Variants in SH3BP4 observed in about 807,000 individuals in gnomAD.
SH3BP4 encodes the protein SH3 domain binding protein 4, also known as SH3 domain-binding protein 4.
A neutral mutation model predicts 65.5 loss-of-function variants in SH3BP4; 33 were observed. The observed-to-expected ratio is 0.50, with a 90% CI of 0.38 to 0.67. The LOEUF (loss-of-function observed/expected upper bound fraction) is 0.67, where lower values mean the gene tolerates loss of function less well. Among genes scored for constraint, SH3BP4 ranks in the 30% least tolerant of loss-of-function variants. The pLI is 0.00. For missense variants in SH3BP4, 1,134 were observed against 1,261.4 expected, an observed-to-expected ratio of 0.90 and a Z score of 1.53; for synonymous variants, 552 against 545.5, an observed-to-expected ratio of 1.01 and a Z score of -0.17.
At chr2:234,999,303 G>C (rs1694025959) in intron 2 of SH3BP4, among the ~76,000 whole-genome samples, 1 of 152,188 alleles carries the variant, frequency 6.6e-6, no homozygotes, top group South Asian at 2.1e-4. Context: ...CATACTTGAG[G>C]CTTTGGGGAC....
intron 2 of SH3BP4, among the ~76,000 whole-genome samples, chr2:235,032,740 C>T (rs556431411): frequency 1.3e-5 from 2 of 152,248 alleles, no homozygotes; most frequent in Non-Finnish European, 2.9e-5. Flanking sequence ...TGAGCCTCAG[C>T]GTGCCAGACC....
chr2:234,953,577 T>TA (rs1177634154), intron 1 of SH3BP4, among the ~76,000 whole-genome samples: 1 of 152,154 alleles, frequency 6.6e-6, no homozygotes, highest in African/African-American at 2.4e-5. Context: ...CCTTGCCTTG[T>TA]AAAAATGAAG....
Position 234,974,242 on chromosome 2 carries a change from G to A in SH3BP4, c.-206-21061G>A, listed in dbSNP as rs1693099283. Among the ~76,000 whole-genome samples the A allele has an allele frequency of 6.6e-6, 1 of 152,092 alleles. No homozygotes were observed. Among genetic ancestry groups the A allele is most frequent in the Non-Finnish European group, 1.5e-5 (1 of 68,018 alleles). On this transcript the variant is annotated intron_variant, in intron 1 of 5. Transcript: ENST00000392011. This position sits in a 1 kb window ranked among gnomAD's most constrained non-coding sequence, Gnocchi z 4.6. ...TAGCCGGGCATGGTGGCGCACACCT[G>A]TAATCCCAACTACTCAGGAGGCTGA...
intron 1 of SH3BP4, among the ~76,000 whole-genome samples, chr2:234,987,494 G>A (rs1166507304): frequency 1.3e-5 from 2 of 152,186 alleles, no homozygotes; most frequent in African/African-American, 2.4e-5. Context: ...CGTGGAGCTG[G>A]TGTGAGAAAC....
chr2:234,986,194 C>T (rs1042860119), intron 1 of SH3BP4, among the ~76,000 whole-genome samples: 3 of 151,788 alleles, frequency 2.0e-5, no homozygotes, highest in Non-Finnish European at 4.4e-5. Context: ...CTCTCTTATT[C>T]ATGAGGAGGC....
At chr2:235,012,987 T>C (rs983462696) in intron 2 of SH3BP4, among the ~76,000 whole-genome samples, 1 of 152,218 alleles carries the variant, frequency 6.6e-6, no homozygotes, top group South Asian at 2.1e-4. Flanking sequence ...GCACGCTCCC[T>C]AAATGCAGAT....
At chr2:235,000,308 C>T (rs966539882) in intron 2 of SH3BP4, among the ~76,000 whole-genome samples, 19 of 152,308 alleles carry the variant, frequency 1.2e-4, no homozygotes, top group South Asian at 2.1e-4. Context: ...GGAGGGCCCC[C>T]GAGCCTGGGC....
chr2:234,959,394 G>A (rs1692656191), intron 1 of SH3BP4, among the ~76,000 whole-genome samples: 1 of 150,304 alleles, frequency 6.7e-6, no homozygotes, highest in Admixed American at 6.6e-5. Context: ...GAGAGAGCCT[G>A]GACAAGGTGA....
rs1028458045 is a variant in SH3BP4 at position 235,034,734 on chromosome 2, T to TGG, written c.-132-135_-132-134dup. 7 of 430,610 alleles carry TGG rather than the reference T, an allele frequency of 1.6e-5. No homozygotes were observed. Among genetic ancestry groups the TGG allele is most frequent in the Non-Finnish European group, 3.0e-5 (7 of 234,402 alleles). The allele number at this position is 430,610 out of a possible 1,614,324, so 26.7% of individuals were successfully genotyped here. On this transcript the variant is annotated intron_variant, in intron 2 of 5. Transcript: ENST00000392011. The surrounding 1 kb of genome is among the most constrained non-coding windows in gnomAD (Gnocchi z 6.2). ...AGGAGCAAGCGCTGCTCTGCTCTGT[T>TGG]GGGCCAGGAAAGATGAAATGGGTCT...
intron 2 of SH3BP4, among the ~76,000 whole-genome samples, chr2:235,008,166 G>A (rs1694360678): frequency 1.3e-5 from 2 of 152,194 alleles, no homozygotes; most frequent in African/African-American, 4.8e-5. Context: ...GCCCGGAGAG[G>A]TGTGGCACAG....
intron 2 of SH3BP4, among the ~76,000 whole-genome samples, chr2:234,996,818 C>T (rs1693933217): frequency 6.6e-6 from 1 of 152,236 alleles, no homozygotes; most frequent in Non-Finnish European, 1.5e-5. Flanking sequence ...ACTGGCCTCG[C>T]TGGACTTTGC....
chr2:234,969,014 T>C (rs1281278706), intron 1 of SH3BP4, among the ~76,000 whole-genome samples: 1 of 152,202 alleles, frequency 6.6e-6, no homozygotes, highest in Non-Finnish European at 1.5e-5. Flanking sequence ...TCCTTTATGA[T>C]TTGGAAGCGA....
chr2:234,977,839 CCTGAGACCCTGCACTTGAGTTTCTAGT>C lies in SH3BP4; in HGVS notation c.-206-17461_-206-17435del, dbSNP rs1351274695. On this transcript the variant is annotated intron_variant, in intron 1 of 5. Transcript: ENST00000392011. The surrounding 1 kb of genome is among the most constrained non-coding windows in gnomAD (Gnocchi z 5.1). ...CACATGCGTGCACACACACGCAGAC[CCTGAGACCCTGCACTTGAGTTTCTAGT>C]CTTAAGCAAGAAGGGTGTCACCGAG... Among the ~76,000 whole-genome samples, 1 of 152,198 alleles carries C rather than the reference CCTGAGACCCTGCACTTGAGTTTCTAGT, an allele frequency of 6.6e-6. No homozygotes were observed. Among genetic ancestry groups the C allele is most frequent in the Non-Finnish European group, 1.5e-5 (1 of 68,048 alleles).
intron 2 of SH3BP4, among the ~76,000 whole-genome samples, chr2:235,007,546 C>T (rs949371671): frequency 1.3e-5 from 2 of 152,164 alleles, no homozygotes; most frequent in East Asian, 1.9e-4. Flanking sequence ...AAGATGGATC[C>T]GGCCCCAAAT....
chr2:234,993,060 G>A (rs541055022), intron 1 of SH3BP4, among the ~76,000 whole-genome samples: 1 of 152,376 alleles, frequency 6.6e-6, no homozygotes, highest in East Asian at 1.9e-4. Context: ...GGAGGCTGGG[G>A]AGTTCCTGTG....
chr2:235,028,274 G>A lies in SH3BP4; in HGVS notation c.-132-6597G>A, dbSNP rs370003829. ...ATCCAGTGGTGGCTGTCCTGCCCAG[G>A]GTGGGCCCTGCAACTGCAGGCTGTC... On this transcript the variant is annotated intron_variant, in intron 2 of 5. Coordinates refer to ENST00000392011, the MANE Select transcript of SH3BP4 (RefSeq NM_014521.3). Among the ~76,000 whole-genome samples the A allele has an allele frequency of 3.2e-3, 484 of 152,332 alleles. 4 individuals carry two copies. The highest frequency in any genetic ancestry group is 0.011 in the African/African-American group (457 of 41,576).
intron 1 of SH3BP4, among the ~76,000 whole-genome samples, chr2:234,990,973 C>T (rs935505053): frequency 2.6e-5 from 4 of 152,154 alleles, no homozygotes; most frequent in Non-Finnish European, 5.9e-5. Context: ...GTTGAAACTC[C>T]CCCCTTTTAT....
chr2:235,015,955 G>C (rs1694673466), intron 2 of SH3BP4, among the ~76,000 whole-genome samples: 1 of 152,020 alleles, frequency 6.6e-6, no homozygotes, highest in African/African-American at 2.4e-5. Context: ...GGGCCTCGTG[G>C]GGTCCCCTGT....
chr2:235,020,704 T>G (rs1031888093), intron 2 of SH3BP4, among the ~76,000 whole-genome samples: 10 of 152,224 alleles, frequency 6.6e-5, no homozygotes, highest in Non-Finnish European at 1.2e-4. Flanking sequence ...CTAGTAGTTG[T>G]TGGTGGTAGT....
Sources: allele counts gnomAD v4.1 joint callset (sites outside exome capture counted in the v4.1 genomes callset), GRCh38; gene constraint gnomAD v4.1.1; non-coding constraint Gnocchi (gnomAD v3.1); transcripts MANE v1.5; gene names NCBI Gene and HGNC (gene_info 2026-07-23, HGNC 2026-07-21).